The following SPAG16 variants were observed in gnomAD, a reference collection of about 807,000 sequenced individuals.
SPAG16 encodes sperm associated antigen 16, also known as sperm-associated antigen 16 protein.
Under a neutral mutation model 80.4 loss-of-function variants are expected in SPAG16, and 86 were observed. That is an observed-to-expected ratio of 1.07 (90% CI 0.90 to 1.28). The LOEUF is 1.28. Ranked by LOEUF, SPAG16 falls within the 50% of genes most tolerant of loss-of-function variation. The pLI, the probability that SPAG16 is intolerant of heterozygous loss-of-function variation, is 0.00. For synonymous variants in SPAG16, 294 were observed against 265.9 expected, an observed-to-expected ratio of 1.11 and a Z score of -1.03; for missense variants, 870 against 765.3, an observed-to-expected ratio of 1.14 and a Z score of -1.61.
chr2:214,289,560 G>A (rs570597504), intron 15 of SPAG16, among the ~76,000 whole-genome samples: 134 of 152,134 alleles, frequency 8.8e-4, no homozygotes, highest in African/African-American at 3.0e-3. Flanking sequence ...ATTTACTTCT[G>A]GACTCACTGA....
chr2:213,897,182 TG>T (rs1230094990), intron 11 of SPAG16, among the ~76,000 whole-genome samples: 1 of 152,168 alleles, frequency 6.6e-6, no homozygotes, highest in Non-Finnish European at 1.5e-5. Flanking sequence ...ATTTGTACCC[TG>T]AAACTATGTA....
chr2:213,339,348 G>A (rs1381793110), intron 5 of SPAG16, among the ~76,000 whole-genome samples: 1 of 151,658 alleles, frequency 6.6e-6, no homozygotes, highest in Non-Finnish European at 1.5e-5. Flanking sequence ...TTTTCAGAAT[G>A]GAAATGTGAC....
chr2:214,129,776 T>C (rs2054670214), intron 14 of SPAG16, among the ~76,000 whole-genome samples: 2 of 152,148 alleles, frequency 1.3e-5, no homozygotes, highest in East Asian at 3.9e-4. Flanking sequence ...TTCAGAAATA[T>C]ATTGATAATC....
chr2:213,897,351 T>C (rs2077035874), intron 11 of SPAG16, among the ~76,000 whole-genome samples: 1 of 152,178 alleles, frequency 6.6e-6, no homozygotes, highest in Non-Finnish European at 1.5e-5. Context: ...ATTATAATAA[T>C]TCTATAATGA....
At chr2:213,832,012 AT>A (rs1400328445) in intron 10 of SPAG16, among the ~76,000 whole-genome samples, 1 of 151,524 alleles carries the variant, frequency 6.6e-6, no homozygotes, top group Non-Finnish European at 1.5e-5. Context: ...TTAATTTTTT[AT>A]TTTTTTGAGC....
At chr2:214,217,322 A>C (rs1176985437) in intron 15 of SPAG16, among the ~76,000 whole-genome samples, 1 of 152,214 alleles carries the variant, frequency 6.6e-6, no homozygotes, top group Non-Finnish European at 1.5e-5. Flanking sequence ...GCCTTTTGTC[A>C]AAGCTCCTGT....
chr2:213,569,828 A>G lies in SPAG16; in HGVS notation c.1070+79738A>G, dbSNP rs1304005209. 1.5e-5 allele frequency among the ~76,000 whole-genome samples: 2 copies of G among 133,372 alleles called. 1 individual carries two copies. The highest frequency in any genetic ancestry group is 7.3e-5 in the African/African-American group (2 of 27,578). The allele number at this position is 133,372 out of a possible 152,430, so 87.5% of individuals were successfully genotyped here. A position where few individuals can be genotyped will look rare whatever the true frequency, so the allele number is the denominator to read the frequency against. ...AGGAATGGTACCAGTTCCTCCATGTACCTCTGGTAGAATTCGGCTGTGAAT... is the reference window on the plus strand; with the variant it reads ...AGGAATGGTACCAGTTCCTCCATGTGCCTCTGGTAGAATTCGGCTGTGAAT... On this transcript the variant is annotated intron_variant, in intron 10 of 15. Transcript: ENST00000331683.
At chr2:213,478,373 C>G (rs528725130) in intron 9 of SPAG16, among the ~76,000 whole-genome samples, 243 of 152,238 alleles carry the variant, frequency 1.6e-3, no homozygotes, top group African/African-American at 5.7e-3. Context: ...TATCTTAAGT[C>G]TAGCTAGCAA....
At chr2:213,328,348 G>A (rs1238768763) in intron 5 of SPAG16, among the ~76,000 whole-genome samples, 1 of 146,690 alleles carries the variant, frequency 6.8e-6, no homozygotes, top group Non-Finnish European at 1.6e-5. Context: ...TATTTGAAGA[G>A]ATTCATTGAT....
intron 10 of SPAG16, among the ~76,000 whole-genome samples, chr2:213,678,355 AATAG>A (rs1419221493): frequency 7.9e-5 from 12 of 152,324 alleles, no homozygotes; most frequent in South Asian, 4.1e-4. Context: ...GGATCAACAA[AATAG>A]ATAGACCACT....
At chr2:214,285,249 G>A (rs7584542) in intron 15 of SPAG16, among the ~76,000 whole-genome samples, 63,439 of 151,946 alleles carry the variant, frequency 0.42, 15,391 homozygotes, top group South Asian at 0.58. Context: ...TCATCTACCT[G>A]TTGGCCATTT....
intron 8 of SPAG16, among the ~76,000 whole-genome samples, chr2:213,374,726 C>T (rs959840778): frequency 4.6e-5 from 7 of 151,960 alleles, no homozygotes; most frequent in Admixed American, 2.6e-4. Context: ...TGTTTATAAA[C>T]ACACAAAGCC....
At chr2:213,777,214 C>T (rs1436211633) in intron 10 of SPAG16, among the ~76,000 whole-genome samples, 1 of 147,922 alleles carries the variant, frequency 6.8e-6, no homozygotes, top group Admixed American at 6.8e-5. Context: ...GGTCATTCTT[C>T]AGCAAGTGTC....
At chr2:213,782,277 G>C (rs563115598) in intron 10 of SPAG16, among the ~76,000 whole-genome samples, 1 of 151,616 alleles carries the variant, frequency 6.6e-6, no homozygotes, top group Non-Finnish European at 1.5e-5. Context: ...TTCCTCCCAT[G>C]GTAGATAATT....
chr2:214,156,529 G>A (rs1000442848), intron 15 of SPAG16, among the ~76,000 whole-genome samples: 9 of 152,114 alleles, frequency 5.9e-5, no homozygotes, highest in Non-Finnish European at 1.3e-4. Flanking sequence ...CCTGTAATCC[G>A]AGTACTTTGG....
intron 13 of SPAG16, among the ~76,000 whole-genome samples, chr2:214,082,650 T>C (rs748218651): frequency 6.6e-5 from 10 of 152,230 alleles, no homozygotes; most frequent in Non-Finnish European, 1.2e-4. Context: ...TAGAATTACC[T>C]GGAAAGCTTT....
chr2:214,223,175 T>A (rs2058621574), intron 15 of SPAG16, among the ~76,000 whole-genome samples: 1 of 152,132 alleles, frequency 6.6e-6, no homozygotes. Context: ...TTTATCTCAC[T>A]GGGAGGTAAT....
chr2:214,100,619 A>G (rs2052944732), intron 13 of SPAG16, among the ~76,000 whole-genome samples: 2 of 152,092 alleles, frequency 1.3e-5, no homozygotes, highest in Admixed American at 6.6e-5. Flanking sequence ...CCACTTAAAT[A>G]CCAAAACATG....
chr2:213,700,289 G>A (rs1446210982), intron 10 of SPAG16, among the ~76,000 whole-genome samples: 2 of 151,428 alleles, frequency 1.3e-5, no homozygotes, highest in East Asian at 1.9e-4. Flanking sequence ...AATAGATGCA[G>A]TTCTTTTACT....
Sources: gnomAD v4.1 joint callset for allele counts (sites outside exome capture counted in the v4.1 genomes callset) on GRCh38, gnomAD v4.1.1 for gene constraint, MANE v1.5 for transcripts, NCBI Gene and HGNC (gene_info 2026-07-23, HGNC 2026-07-21) for gene names.